The following MTA3 variants were observed in gnomAD, a reference collection of about 807,000 sequenced individuals.
MTA3 encodes metastasis associated 1 family member 3, also known as metastasis-associated protein MTA3.
Under a neutral mutation model 83.5 loss-of-function variants are expected in MTA3, and 34 were observed. That is an observed-to-expected ratio of 0.41 (90% CI 0.31 to 0.54). MTA3 has a LOEUF of 0.54. MTA3 is among the 20% of genes least tolerant of loss of function. MTA3 has a pLI of 0.33. For synonymous variants in MTA3, 303 were observed against 252.7 expected, an observed-to-expected ratio of 1.20 and a Z score of -1.89; for missense variants, 761 against 726.4, an observed-to-expected ratio of 1.05 and a Z score of -0.55.
chr2:42,545,963 C>A (rs1380437679), intron 2 of MTA3, among the ~76,000 whole-genome samples: 1 of 152,088 alleles, frequency 6.6e-6, no homozygotes, highest in Non-Finnish European at 1.5e-5. Context: ...AGAAAGATTT[C>A]AAGAAATGAA....
At chr2:42,587,468 T>TG (rs1458376709) in intron 3 of MTA3, among the ~76,000 whole-genome samples, 1 of 152,258 alleles carries the variant, frequency 6.6e-6, no homozygotes, top group Non-Finnish European at 1.5e-5. Flanking sequence ...GTGAGAATTC[T>TG]TGTGTATGAA....
intron 8 of MTA3, among the ~76,000 whole-genome samples, chr2:42,670,415 ATTTAG>A (rs1443995260): frequency 2.6e-5 from 4 of 152,214 alleles, no homozygotes; most frequent in Non-Finnish European, 5.9e-5. Context: ...AAATTAGAGA[ATTTAG>A]TTTAAGCATC....
At chr2:42,690,084 T>C (rs1386210498) in intron 9 of MTA3, among the ~76,000 whole-genome samples, 1 of 152,168 alleles carries the variant, frequency 6.6e-6, no homozygotes, top group Non-Finnish European at 1.5e-5. Flanking sequence ...CCTGGGATTT[T>C]GAGGCTGCAG....
At chr2:42,607,203 A>T (rs1468339706) in intron 3 of MTA3, among the ~76,000 whole-genome samples, 1 of 152,096 alleles carries the variant, frequency 6.6e-6, no homozygotes, top group Non-Finnish European at 1.5e-5. Context: ...AAGATAAGTG[A>T]CCTGTCATTG....
chr2:42,537,585 CAAAAT>C (rs1250373960), intron 2 of MTA3, among the ~76,000 whole-genome samples: 1 of 151,316 alleles, frequency 6.6e-6, no homozygotes, highest in African/African-American at 2.4e-5. Context: ...AATAAATAAA[CAAAAT>C]AAAATAAAAT....
intron 16 of MTA3, among the ~76,000 whole-genome samples, chr2:42,740,763 T>C (rs1321738867): frequency 2.0e-5 from 3 of 152,248 alleles, no homozygotes; most frequent in Admixed American, 6.5e-5. Flanking sequence ...GTGCTATCAT[T>C]TAGGCTTTGT....
At chr2:42,696,120 T>G (rs1693369707) in intron 10 of MTA3, among the ~76,000 whole-genome samples, 1 of 152,238 alleles carries the variant, frequency 6.6e-6, no homozygotes, top group Non-Finnish European at 1.5e-5. Context: ...TTGTAGTTCA[T>G]GGCAATGATC....
chr2:42,689,729 G>T (rs746039329), intron 9 of MTA3, among the ~76,000 whole-genome samples: 3 of 147,426 alleles, frequency 2.0e-5, no homozygotes, highest in African/African-American at 7.5e-5. Flanking sequence ...GCATGGATCT[G>T]TATTTACATC....
chr2:42,678,128 T>A (rs912337212), intron 8 of MTA3, among the ~76,000 whole-genome samples: 7 of 151,954 alleles, frequency 4.6e-5, no homozygotes, highest in African/African-American at 1.4e-4. Context: ...AGAACCAAGA[T>A]CAATTCTTGT....
upstream of MTA3, among the ~76,000 whole-genome samples, chr2:42,565,129 C>A (rs760854106): frequency 6.6e-6 from 1 of 152,000 alleles, no homozygotes; most frequent in Non-Finnish European, 1.5e-5. Context: ...TCCATCCCTA[C>A]GTTGAGACAA....
chr2:42,614,487 G>T lies in MTA3; in HGVS notation c.317+4903G>T, dbSNP rs575348537. ...CTTTTCATTGTGCATTCATTCATAA[G>T]TAGACTGAAAATTTGTAAATTTGAG... On this transcript the variant is annotated intron_variant, in intron 4 of 16. Transcript: ENST00000405094. Among the ~76,000 whole-genome samples, 17 of 152,260 alleles carry T rather than the reference G, an allele frequency of 1.1e-4. No homozygotes were observed. In the East Asian group the frequency reaches 1.5e-3, roughly 14 times the overall value.
intron 6 of MTA3, among the ~76,000 whole-genome samples, chr2:42,653,504 A>G (rs543710269): frequency 1.3e-5 from 2 of 152,338 alleles, no homozygotes; most frequent in Admixed American, 1.3e-4. Flanking sequence ...TCAAACTGAT[A>G]TGAATGTAAT....
At chr2:42,715,035 T>TA (rs145676948) in intron 14 of MTA3, among the ~76,000 whole-genome samples, 6,981 of 152,306 alleles carry the variant, frequency 0.046, 513 homozygotes, top group Admixed American at 0.2. Flanking sequence ...TTGAGTGAGA[T>TA]ATAGATGTTC....
At chr2:42,739,844 T>C (rs1668893329) in intron 16 of MTA3, among the ~76,000 whole-genome samples, 1 of 152,230 alleles carries the variant, frequency 6.6e-6, no homozygotes, top group African/African-American at 2.4e-5. Context: ...ACTTTCATTG[T>C]TCATCCGTAA....
At chr2:42,656,934 G>C (rs965154856) in intron 7 of MTA3, among the ~76,000 whole-genome samples, 2 of 152,190 alleles carry the variant, frequency 1.3e-5, no homozygotes, top group South Asian at 2.1e-4. Flanking sequence ...GTAGCAAAGA[G>C]ATAAACATCA....
intron 16 of MTA3, among the ~76,000 whole-genome samples, chr2:42,723,645 T>G (rs1298717798): frequency 6.6e-6 from 1 of 152,246 alleles, no homozygotes; most frequent in Non-Finnish European, 1.5e-5. Context: ...TGAATTATCT[T>G]CTCATTTGGA....
Position 42,531,445 on chromosome 2 carries a change from C to CTTTTTTTTTT in MTA3, c.-141+36207_-141+36216dup, listed in dbSNP as rs10659582. ...TTTTAGTAGGATTCAGAAGCAAACTCTTTTTTTTTTTTTTTTTTTTTTTTT... is the reference window on the plus strand; with the variant it reads ...TTTTAGTAGGATTCAGAAGCAAACTCTTTTTTTTTTTTTTTTTTTTTTTTTTTTTTTTTTT... On this transcript the variant is annotated intron_variant, in intron 2 of 17. Transcript: ENST00000405592. Among the ~76,000 whole-genome samples the CTTTTTTTTTT allele has an allele frequency of 5.3e-4, 40 of 75,354 alleles. 3 individuals carry two copies. The highest frequency in any genetic ancestry group is 2.1e-3 in the South Asian group (4 of 1,864). 49.4% of individuals were successfully genotyped at this position (75,354 alleles called of 152,430 possible).
chr2:42,718,906 G>A, intron 14 of MTA3, 82 bp from the exon 15 acceptor site: 1 of 1,058,662 alleles, frequency 9.4e-7, no homozygotes, highest in Middle Eastern at 2.0e-4. Flanking sequence ...TTTTCCACTT[G>A]TACCTTTATT....
chr2:42,717,897 T>G (rs1667137605), intron 14 of MTA3, among the ~76,000 whole-genome samples: 1 of 152,206 alleles, frequency 6.6e-6, no homozygotes, highest in Non-Finnish European at 1.5e-5. Flanking sequence ...CCATGTCATT[T>G]CAATCTTACG....
Sources: gnomAD v4.1 joint callset for allele counts (sites outside exome capture counted in the v4.1 genomes callset) on GRCh38, gnomAD v4.1.1 for gene constraint, MANE v1.5 for transcripts, NCBI Gene and HGNC (gene_info 2026-07-23, HGNC 2026-07-21) for gene names.